TRPM3: variants seen among roughly 807,000 people sequenced by gnomAD.
The protein encoded by TRPM3 is transient receptor potential cation channel subfamily M member 3, also known as long transient receptor potential channel 3.
In TRPM3, 77 loss-of-function variants were observed where a neutral mutation model predicts 181.2. The observed-to-expected ratio is 0.42, with a 90% CI of 0.35 to 0.51. TRPM3 has a LOEUF of 0.51. TRPM3 is among the 20% of genes least tolerant of loss of function. The pLI is 0.01. For missense variants in TRPM3, 1,759 were observed against 2,196.7 expected, an observed-to-expected ratio of 0.80 and a Z score of 3.98; for synonymous variants, 745 against 796.4, an observed-to-expected ratio of 0.94 and a Z score of 1.09.
intron 8 of TRPM3, among the ~76,000 whole-genome samples, chr9:70,686,700 T>TCCTG (rs2066947816): frequency 1.3e-5 from 1 of 79,244 alleles, no homozygotes; most frequent in Non-Finnish European, 2.7e-5. Context: ...CTTCCTTCCT[T>TCCTG]CCTTCCTTCC....
At chr9:71,212,033 G>C (rs565889686) in intron 1 of TRPM3, among the ~76,000 whole-genome samples, 3 of 152,200 alleles carry the variant, frequency 2.0e-5, no homozygotes, top group African/African-American at 7.2e-5. Context: ...GGAGAGCTTA[G>C]CTGGGAAGAC....
intron 1 of TRPM3, among the ~76,000 whole-genome samples, chr9:71,003,210 A>AC (rs2097632843): frequency 1.3e-5 from 2 of 151,520 alleles, no homozygotes; most frequent in South Asian, 2.1e-4. Context: ...AAAAAAAAAA[A>AC]ACACTTAACA....
intron 1 of TRPM3, among the ~76,000 whole-genome samples, chr9:70,959,541 C>G (rs2097115402): frequency 1.3e-5 from 2 of 151,950 alleles, no homozygotes; most frequent in Non-Finnish European, 2.9e-5. Flanking sequence ...AAAAAGCAAT[C>G]CTCTGCCAAG....
chr9:70,862,786 C>A, intron 3 of TRPM3, 122 bp downstream of exon 3: 3 of 962,226 alleles, frequency 3.1e-6, no homozygotes, highest in South Asian at 3.0e-5. Flanking sequence ...CAGGTCACCT[C>A]ATCAGACAGT....
intron 1 of TRPM3, among the ~76,000 whole-genome samples, chr9:71,146,342 C>A (rs982276357): frequency 6.6e-6 from 1 of 152,150 alleles, no homozygotes. Flanking sequence ...GAAGCTCCCC[C>A]TCTACCCTGC....
At chr9:70,819,459 C>A (rs2092980496) in intron 6 of TRPM3, among the ~76,000 whole-genome samples, 1 of 152,118 alleles carries the variant, frequency 6.6e-6, no homozygotes, top group African/African-American at 2.4e-5. Context: ...AAATGCTAAG[C>A]CCAGTTTAAT....
chr9:70,840,370 C>A (rs915243040), intron 5 of TRPM3, among the ~76,000 whole-genome samples: 1 of 152,058 alleles, frequency 6.6e-6, no homozygotes, highest in Non-Finnish European at 1.5e-5. Flanking sequence ...TATAACCTGC[C>A]ACTTTTATTT....
intron 1 of TRPM3, among the ~76,000 whole-genome samples, chr9:71,005,828 A>G (rs1183861379): frequency 6.6e-6 from 1 of 152,214 alleles, no homozygotes; most frequent in African/African-American, 2.4e-5. Flanking sequence ...AAAACATCTG[A>G]AGGAATACAA....
At chr9:71,165,938 A>G (rs937206021) in intron 1 of TRPM3, among the ~76,000 whole-genome samples, 3 of 152,194 alleles carry the variant, frequency 2.0e-5, no homozygotes, top group Admixed American at 1.3e-4. Context: ...GACAGCAGAA[A>G]GGCCTTCAGA....
chr9:71,325,525 A>G (rs1193404859), intron 1 of TRPM3, among the ~76,000 whole-genome samples: 3 of 152,190 alleles, frequency 2.0e-5, no homozygotes, highest in East Asian at 3.9e-4. Context: ...ATTATAAATG[A>G]TAAAATCCAC....
At chr9:70,846,260 G>T in intron 4 of TRPM3, 118 bp downstream of exon 4, 1 of 909,820 alleles carries the variant, frequency 1.1e-6, no homozygotes, top group Non-Finnish European at 1.8e-6. Flanking sequence ...AGCAACTATG[G>T]ACCCATGGGT....
chr9:71,172,146 C>T (rs907909840), intron 1 of TRPM3, among the ~76,000 whole-genome samples: 3 of 151,994 alleles, frequency 2.0e-5, no homozygotes, highest in African/African-American at 7.3e-5. Context: ...AGCAATCCTC[C>T]CGCTTCAGCC....
intron 1 of TRPM3, among the ~76,000 whole-genome samples, chr9:71,215,136 A>G (rs949209346): frequency 1.4e-4 from 22 of 152,170 alleles, no homozygotes; most frequent in African/African-American, 4.8e-4. Flanking sequence ...ACACTGACAG[A>G]AAGTAATAGT....
chr9:71,266,563 A>T (rs1169345984), intron 1 of TRPM3, among the ~76,000 whole-genome samples: 1 of 152,176 alleles, frequency 6.6e-6, no homozygotes, highest in East Asian at 1.9e-4. Flanking sequence ...GCAGAGGCAT[A>T]AATAAAATAA....
At chr9:70,640,279 T>G (rs1433757421) in intron 10 of TRPM3, among the ~76,000 whole-genome samples, 1 of 152,210 alleles carries the variant, frequency 6.6e-6, no homozygotes, top group Non-Finnish European at 1.5e-5. Flanking sequence ...TTTTTTCAGA[T>G]GTATTCAAAT....
chr9:70,769,655 C>T (rs1717865432), intron 7 of TRPM3, among the ~76,000 whole-genome samples: 1 of 151,988 alleles, frequency 6.6e-6, no homozygotes, highest in African/African-American at 2.4e-5. Context: ...AAAAAATCAC[C>T]CTCATCTCCT....
At chr9:70,661,681 G>A (rs905838188) in intron 9 of TRPM3, among the ~76,000 whole-genome samples, 4 of 151,480 alleles carry the variant, frequency 2.6e-5, no homozygotes, top group Non-Finnish European at 5.9e-5. Context: ...AACAACAGCT[G>A]CAATAAAAAG....
chr9:71,228,880 T>C (rs1250281006), intron 1 of TRPM3, among the ~76,000 whole-genome samples: 3 of 152,170 alleles, frequency 2.0e-5, no homozygotes, highest in Non-Finnish European at 1.5e-5. Context: ...ATTGTCAAAA[T>C]GTCCATACTT....
chr9:71,009,307 C>T (rs1355287055), intron 1 of TRPM3, among the ~76,000 whole-genome samples: 1 of 151,960 alleles, frequency 6.6e-6, no homozygotes, highest in East Asian at 1.9e-4. Flanking sequence ...TGAATGATGC[C>T]AATTTGAAGA....
Sources: allele counts gnomAD v4.1 joint callset (sites outside exome capture counted in the v4.1 genomes callset), GRCh38; gene constraint gnomAD v4.1.1; transcripts MANE v1.5; gene names NCBI Gene and HGNC (gene_info 2026-07-23, HGNC 2026-07-21).